LYPD6: variants seen among roughly 807,000 people sequenced by gnomAD.
LYPD6 encodes LY6/PLAUR domain containing 6.
A neutral mutation model predicts 22.7 loss-of-function variants in LYPD6; 15 were observed. The observed-to-expected ratio is 0.66, with a 90% CI of 0.44 to 1.02. The LOEUF (loss-of-function observed/expected upper bound fraction) is 1.02. LYPD6 is among the 50% of genes least tolerant of loss of function. The probability of loss-of-function intolerance (pLI) is 0.00; values close to 1 mark genes in which losing one functional copy is unlikely to be tolerated. For missense variants in LYPD6, 189 were observed against 208.4 expected (o/e 0.91, Z 0.57); for synonymous variants, 72 against 77.5 (o/e 0.93, Z 0.37).
chr2:149,348,547 G>A (rs1681301956), intron 1 of LYPD6, among the ~76,000 whole-genome samples: 1 of 152,220 alleles, frequency 6.6e-6, no homozygotes, highest in East Asian at 1.9e-4. Flanking sequence ...GTGCTGTGAT[G>A]GCCTCATGCC....
intron 1 of LYPD6, among the ~76,000 whole-genome samples, chr2:149,434,951 C>T (rs1301897310): frequency 2.0e-5 from 3 of 152,178 alleles, no homozygotes; most frequent in African/African-American, 7.2e-5. Context: ...ATGCAGTGGG[C>T]TGAAATGTGT....
rs142229081 is a variant in LYPD6, at chr2:149,467,965, G to T, written c.218-680G>T. Reference sequence around the variant, plus strand: ...ACTCCCATCATGGTCTTCATCTGTTGTCCTAGGAAGACACTGAAATCATGC... The same window carrying T: ...ACTCCCATCATGGTCTTCATCTGTTTTCCTAGGAAGACACTGAAATCATGC... On this transcript the variant is annotated intron_variant, in intron 3 of 4. Coordinates refer to ENST00000334166, the MANE Select transcript of LYPD6 (RefSeq NM_194317.5). 1.5e-3 allele frequency among the ~76,000 whole-genome samples: 229 copies of T among 152,156 alleles called. 2 individuals carry two copies. Among genetic ancestry groups the T allele is most frequent in the African/African-American group, 5.4e-3 (225 of 41,504 alleles).
At chr2:149,393,782 G>A (rs924543468) in intron 1 of LYPD6, among the ~76,000 whole-genome samples, 7 of 152,198 alleles carry the variant, frequency 4.6e-5, no homozygotes, top group East Asian at 1.9e-4. Flanking sequence ...CCCAGCTGGC[G>A]AGACTGGAGA....
chr2:149,469,158 A>T (rs952360876), intron 4 of LYPD6, among the ~76,000 whole-genome samples: 2 of 152,202 alleles, frequency 1.3e-5, no homozygotes, highest in Non-Finnish European at 2.9e-5. Context: ...TTCAGCTTTG[A>T]TAACTTTCTG....
chr2:149,457,212 A>G (rs4667434), intron 3 of LYPD6, among the ~76,000 whole-genome samples: 26,417 of 152,204 alleles, frequency 0.17, 3,024 homozygotes, highest in Non-Finnish European at 0.25. Flanking sequence ...CACTACTGGT[A>G]GAAGTGTAGT....
intron 4 of LYPD6, among the ~76,000 whole-genome samples, chr2:149,469,434 A>G (rs1681281651): frequency 6.6e-6 from 1 of 152,158 alleles, no homozygotes; most frequent in Non-Finnish European, 1.5e-5. Flanking sequence ...ATACATGTCT[A>G]TATGCTGTCT....
At chr2:149,433,587 A>G (rs1683364278) in intron 1 of LYPD6, among the ~76,000 whole-genome samples, 1 of 152,166 alleles carries the variant, frequency 6.6e-6, no homozygotes, top group African/African-American at 2.4e-5. Context: ...TCAAGCAGCA[A>G]TTGTAGCCAT....
Position 149,358,032 on chromosome 2 carries a change from C to T in LYPD6, c.-72+27310C>T, listed in dbSNP as rs113304063. Among the ~76,000 whole-genome samples, 208 of 152,214 alleles carry T rather than the reference C, an allele frequency of 1.4e-3. 2 individuals are homozygous for T. Among genetic ancestry groups the T allele is most frequent in the African/African-American group, 4.8e-3 (198 of 41,536 alleles). On this transcript the variant is annotated intron_variant, in intron 1 of 4. Coordinates refer to ENST00000334166, the MANE Select transcript of LYPD6 (RefSeq NM_194317.5). ...ATCTCCTGACCTCAGGTGATCCGCC[C>T]GCTTCGGCCTCCCAGAGTGCTGGGA... is the stretch of plus-strand genomic sequence containing the variant.
intron 1 of LYPD6, among the ~76,000 whole-genome samples, chr2:149,337,838 C>A (rs1488981390): frequency 6.6e-6 from 1 of 152,132 alleles, no homozygotes; most frequent in Non-Finnish European, 1.5e-5. Context: ...TTCTTTGTGT[C>A]CACGTGTTCT....
chr2:149,445,330 T>C (rs1683663921), intron 2 of LYPD6, among the ~76,000 whole-genome samples: 1 of 152,220 alleles, frequency 6.6e-6, no homozygotes, highest in South Asian at 2.1e-4. Context: ...AATGATAAAT[T>C]AGCATTGGCT....
intron 1 of LYPD6, among the ~76,000 whole-genome samples, chr2:149,423,580 C>T (rs1055828797): frequency 5.9e-5 from 9 of 152,002 alleles, no homozygotes; most frequent in Non-Finnish European, 1.3e-4. Context: ...GGCAGGAAAA[C>T]GAGGCTGCCC....
chr2:149,484,098 A>G, the LYPD6 span, among the ~76,000 whole-genome samples: 827 of 152,342 alleles, frequency 5.4e-3, 3 homozygotes, highest in African/African-American at 0.019. Flanking sequence ...AGATTTGTGT[A>G]TGGGTTGCTC....
chr2:149,412,362 T>A (rs967896659), intron 1 of LYPD6, among the ~76,000 whole-genome samples: 2 of 144,704 alleles, frequency 1.4e-5, no homozygotes, highest in Non-Finnish European at 3.1e-5. Context: ...ATTTTATTTC[T>A]TTTTTTTTTT....
chr2:149,431,985 G>A (rs147487453), intron 1 of LYPD6, among the ~76,000 whole-genome samples: 121 of 152,232 alleles, frequency 7.9e-4, no homozygotes, highest in African/African-American at 2.8e-3. Flanking sequence ...ATATACAAAT[G>A]GCTAATAAGC....
intron 1 of LYPD6, among the ~76,000 whole-genome samples, chr2:149,432,046 AT>A (rs1683325188): frequency 6.6e-6 from 1 of 152,220 alleles, no homozygotes; most frequent in South Asian, 2.1e-4. Flanking sequence ...ACAAGTCAAA[AT>A]CAGCGTGAGA....
chr2:149,456,129 G>A (rs1382501744), intron 3 of LYPD6, among the ~76,000 whole-genome samples: 1 of 152,170 alleles, frequency 6.6e-6, no homozygotes, highest in South Asian at 2.1e-4. Context: ...CAATAATCTG[G>A]TGCCTGAAAG....
In LYPD6 at chr2:149,396,791, A is replaced by G. The variant is rs753488657; in HGVS notation, c.-71-40847A>G. On this transcript the variant is annotated intron_variant, in intron 1 of 4. Transcript: ENST00000334166. ...TGGGAATTCTAAGAACAGAGACCTT[A>G]CAGGAACTTTATGAAGATGAAATGA... Among the ~76,000 whole-genome samples, 36 of 152,324 alleles carry G rather than the reference A, an allele frequency of 2.4e-4. 1 individual carries two copies. Among genetic ancestry groups the G allele is most frequent in the Admixed American group, 4.6e-4 (7 of 15,306 alleles).
chr2:149,407,216 G>A (rs1682735508), intron 1 of LYPD6, among the ~76,000 whole-genome samples: 2 of 152,138 alleles, frequency 1.3e-5, no homozygotes, highest in African/African-American at 4.8e-5. Context: ...GTGTCTTGGA[G>A]TTGCTCTTCT....
At chr2:149,334,959 T>G (rs1251380605) in intron 1 of LYPD6, among the ~76,000 whole-genome samples, 1 of 152,136 alleles carries the variant, frequency 6.6e-6, no homozygotes, top group Non-Finnish European at 1.5e-5. Context: ...AACACATTAC[T>G]TACCTGTGGT....
Sources: allele counts gnomAD v4.1 joint callset (sites outside exome capture counted in the v4.1 genomes callset), GRCh38; gene constraint gnomAD v4.1.1; transcripts MANE v1.5; gene names NCBI Gene and HGNC (gene_info 2026-07-23, HGNC 2026-07-21).